Variants in UBASH3B observed in about 807,000 individuals in gnomAD.
UBASH3B encodes the protein ubiquitin associated and SH3 domain containing B.
A neutral mutation model predicts 83.4 loss-of-function variants in UBASH3B; 37 were observed. The observed-to-expected ratio is 0.44, with a 90% CI of 0.34 to 0.58. UBASH3B has a LOEUF of 0.58. Ranked by LOEUF, UBASH3B falls within the 20% of genes least tolerant of loss-of-function variation. The pLI, the probability that UBASH3B is intolerant of heterozygous loss-of-function variation, is 0.01. For missense variants in UBASH3B, 657 were observed against 827.2 expected (o/e 0.79, Z 2.52); for synonymous variants, 304 against 318.3 (o/e 0.96, Z 0.48).
In UBASH3B at chr11:122,657,469, A is replaced by G. The variant is rs147941184; in HGVS notation, c.161+1259A>G. Among the ~76,000 whole-genome samples, 18 of 152,138 alleles carry G rather than the reference A, an allele frequency of 1.2e-4. No homozygotes were observed. In the East Asian group the frequency reaches 3.5e-3, roughly 29 times the overall value. On this transcript the variant is annotated intron_variant, in intron 1 of 13. Coordinates refer to ENST00000284273, the MANE Select transcript of UBASH3B (RefSeq NM_032873.5). ...ACACCGGGCTAATTTTTATATTTTT[A>G]GAAGAGATGGGGTTCTGCCATGTTG...
intron 1 of UBASH3B, among the ~76,000 whole-genome samples, chr11:122,731,843 CACTCACT>C (rs763096690): frequency 2.6e-5 from 4 of 152,208 alleles, no homozygotes; most frequent in Non-Finnish European, 5.9e-5. Flanking sequence ...TCTCTTGTCA[CACTCACT>C]ACTGAGGTTT....
intron 1 of UBASH3B, among the ~76,000 whole-genome samples, chr11:122,669,337 C>T (rs147033069): frequency 7.4e-4 from 112 of 152,296 alleles, no homozygotes; most frequent in African/African-American, 2.3e-3. Context: ...TCTTCAAGTA[C>T]GTCACTCCAA....
intron 1 of UBASH3B, among the ~76,000 whole-genome samples, chr11:122,665,898 T>C (rs1000450430): frequency 1.3e-5 from 2 of 152,186 alleles, no homozygotes; most frequent in Admixed American, 1.3e-4. Context: ...TAAAGGGACA[T>C]CTTCCCTTCT....
chr11:122,719,015 C>T (rs76418198), intron 1 of UBASH3B, among the ~76,000 whole-genome samples: 4,786 of 152,174 alleles, frequency 0.031, 122 homozygotes, highest in African/African-American at 0.07. Flanking sequence ...CCAGCCTGGG[C>T]GACAGATTGA....
At chr11:122,791,273 G>A (rs992909745) in intron 6 of UBASH3B, among the ~76,000 whole-genome samples, 4 of 152,164 alleles carry the variant, frequency 2.6e-5, no homozygotes, top group Admixed American at 2.6e-4. Flanking sequence ...GGATTTAAAC[G>A]ATAACTCTCC....
intron 1 of UBASH3B, among the ~76,000 whole-genome samples, chr11:122,738,062 G>C (rs1158288687): frequency 6.6e-6 from 1 of 152,190 alleles, no homozygotes; most frequent in Non-Finnish European, 1.5e-5. Flanking sequence ...GAAAGTAAAA[G>C]TAGAGAACAA....
chr11:122,752,776 C>G (rs1367203714), intron 1 of UBASH3B, among the ~76,000 whole-genome samples: 1 of 152,120 alleles, frequency 6.6e-6, no homozygotes, highest in African/African-American at 2.4e-5. Flanking sequence ...CAGTGGGACT[C>G]GAAAGCGACT....
intron 11 of UBASH3B, 137 bp downstream of exon 11, chr11:122,801,469 G>T (rs752709547): frequency 4.3e-5 from 46 of 1,077,014 alleles, no homozygotes; most frequent in Admixed American, 5.7e-5. Context: ...AACGAGCTAT[G>T]ATTTTAGAAA....
At chr11:122,803,916 C>G (rs765859940) in intron 11 of UBASH3B, among the ~76,000 whole-genome samples, 15 of 151,972 alleles carry the variant, frequency 9.9e-5, no homozygotes, top group Non-Finnish European at 2.1e-4. Context: ...AGCAGCATGA[C>G]GTGACCTGCT....
At chr11:122,745,129 A>G (rs563811793) in intron 1 of UBASH3B, among the ~76,000 whole-genome samples, 1 of 152,294 alleles carries the variant, frequency 6.6e-6, no homozygotes, top group South Asian at 2.1e-4. Context: ...CCTTCCATCC[A>G]CACTGAAAGA....
chr11:122,803,894 G>A (rs1861296313), intron 11 of UBASH3B, among the ~76,000 whole-genome samples: 1 of 152,094 alleles, frequency 6.6e-6, no homozygotes. Flanking sequence ...TACAGGGCCT[G>A]CAGGTGTGGC....
At chr11:122,685,081 A>G (rs1023956054) in intron 1 of UBASH3B, among the ~76,000 whole-genome samples, 1 of 152,180 alleles carries the variant, frequency 6.6e-6, no homozygotes, top group South Asian at 2.1e-4. Flanking sequence ...GGAAAATACT[A>G]TCTTTTTTCC....
intron 1 of UBASH3B, among the ~76,000 whole-genome samples, chr11:122,685,934 A>G (rs1863803433): frequency 6.6e-6 from 1 of 152,104 alleles, no homozygotes; most frequent in African/African-American, 2.4e-5. Flanking sequence ...TGATGTTACC[A>G]CCATTTATTG....
Position 122,797,035 on chromosome 11 carries a change from TA to T in UBASH3B, c.1357+4del, listed in dbSNP as rs1402618851. On this transcript the variant is annotated splice_donor_region_variant and intron_variant, in intron 9 of 13. Coordinates refer to ENST00000284273, the MANE Select transcript of UBASH3B (RefSeq NM_032873.5). ...GATGCATGCAAGCAAGACTAGTGGG[TA>T]AGTATCCTGGAGTGACTGCACTCCA... The T allele has an allele frequency of 6.2e-7, 1 of 1,605,964 alleles. No individual in the cohort carries two copies. The highest frequency in any genetic ancestry group is 2.2e-5 in the East Asian group (1 of 44,760).
chr11:122,687,910 A>C (rs999389873), intron 1 of UBASH3B, among the ~76,000 whole-genome samples: 1 of 152,164 alleles, frequency 6.6e-6, no homozygotes, highest in African/African-American at 2.4e-5. Flanking sequence ...AATAATAATG[A>C]TATCATAATA....
At chr11:122,777,890 C>T (rs563623829) in intron 3 of UBASH3B, among the ~76,000 whole-genome samples, 9 of 152,122 alleles carry the variant, frequency 5.9e-5, no homozygotes, top group South Asian at 4.2e-4. Context: ...CCACCATGCC[C>T]GGCTAATTTT....
intron 1 of UBASH3B, among the ~76,000 whole-genome samples, chr11:122,753,790 C>T (rs1053082452): frequency 2.6e-5 from 4 of 152,010 alleles, no homozygotes; most frequent in Non-Finnish European, 5.9e-5. Flanking sequence ...CCACCGTGCC[C>T]GGCCAACCCT....
chr11:122,795,075 T>TCCA (rs1861131738), intron 7 of UBASH3B, among the ~76,000 whole-genome samples: 1 of 152,090 alleles, frequency 6.6e-6, no homozygotes, highest in African/African-American at 2.4e-5. Flanking sequence ...TCCACAGAGA[T>TCCA]AGGAGGAGAG....
intron 2 of UBASH3B, among the ~76,000 whole-genome samples, 186 bp downstream of exon 2, chr11:122,776,458 T>C (rs1860736926): frequency 6.6e-6 from 1 of 152,170 alleles, no homozygotes; most frequent in Non-Finnish European, 1.5e-5. Context: ...ATGTTTCTCC[T>C]TGGAGCTGTT....
Sources: allele counts gnomAD v4.1 joint callset (sites outside exome capture counted in the v4.1 genomes callset), GRCh38; gene constraint gnomAD v4.1.1; transcripts MANE v1.5; gene names NCBI Gene and HGNC (gene_info 2026-07-23, HGNC 2026-07-21).